Variants in CCDC6 observed in about 807,000 individuals in gnomAD.
The protein encoded by CCDC6 is coiled-coil domain-containing protein 6.
Under a neutral mutation model 56.6 loss-of-function variants are expected in CCDC6, and 20 were observed. The ratio of observed to expected loss-of-function variants is 0.35; its 90% CI spans 0.25 to 0.51. The LOEUF is 0.51. CCDC6 is among the 20% of genes least tolerant of loss of function. CCDC6 has a pLI of 0.95. For synonymous variants in CCDC6, 241 were observed against 234.4 expected, an observed-to-expected ratio of 1.03 and a Z score of -0.26; for missense variants, 367 against 601.1, an observed-to-expected ratio of 0.61 and a Z score of 4.07.
intron 7 of CCDC6, among the ~76,000 whole-genome samples, chr10:59,802,196 T>C (rs1046679708): frequency 2.0e-5 from 3 of 152,328 alleles, no homozygotes; most frequent in Middle Eastern, 6.8e-3. Flanking sequence ...ATAAAGATGA[T>C]GCTCTTTCTT....
intron 3 of CCDC6, among the ~76,000 whole-genome samples, chr10:59,819,306 CTA>C (rs1374208441): frequency 6.6e-6 from 1 of 152,128 alleles, no homozygotes; most frequent in African/African-American, 2.4e-5. Context: ...CTACAGGACT[CTA>C]TATTATCTTT....
intron 2 of CCDC6, among the ~76,000 whole-genome samples, chr10:59,848,842 T>A (rs1408057027): frequency 6.6e-6 from 1 of 152,080 alleles, no homozygotes; most frequent in Non-Finnish European, 1.5e-5. Flanking sequence ...GCCTCCTGAG[T>A]AGCTGAGATT....
In CCDC6 at chr10:59,906,302, GCCGCCTCCCCCGCCGCCA is replaced by G. The variant is rs769446566; in HGVS notation, c.105_122del (p.Gly39_Gly44del). The G allele has an allele frequency of 1.6e-5, 26 of 1,601,580 alleles. No homozygotes were observed. Among genetic ancestry groups the G allele is most frequent in the African/African-American group, 2.7e-5 (2 of 74,748 alleles). ...CAATGCCCCCCGACTTCCCACCGCCGCCGCCTCCCCCGCCGCCACCGCCGCCGCCCGAGGTCGACGAGC... is the reference window on the plus strand; with the variant it reads ...CAATGCCCCCCGACTTCCCACCGCCGCCGCCGCCGCCCGAGGTCGACGAGC... On this transcript the variant is annotated inframe_deletion, in exon 1 of 9. Transcript: ENST00000263102.
chr10:59,903,431 T>G (rs2071519072), intron 1 of CCDC6, among the ~76,000 whole-genome samples: 1 of 152,122 alleles, frequency 6.6e-6, no homozygotes. Context: ...TGTTCAGTGT[T>G]ACGTGAAGAT....
In CCDC6 at chr10:59,792,489, C is replaced by A; in HGVS notation, c.*428G>T. ...GAATTATTGGTATGTTTGGTAAACACTATTATAATGAGAGGAGGGTAACAA... is the reference window on the plus strand; with the variant it reads ...GAATTATTGGTATGTTTGGTAAACAATATTATAATGAGAGGAGGGTAACAA... On this transcript the variant is annotated 3_prime_UTR_variant, in exon 9 of 9. Transcript: ENST00000263102. The A allele has an allele frequency of 2.2e-6, 1 of 456,494 alleles. No individual in the cohort carries two copies. Among genetic ancestry groups the A allele is most frequent in the Non-Finnish European group, 4.1e-6 (1 of 243,348 alleles). 28.3% of individuals were successfully genotyped at this position (456,494 alleles called of 1,614,324 possible).
At chr10:59,891,779 AT>A (rs3838769) in intron 1 of CCDC6, among the ~76,000 whole-genome samples, 26,291 of 152,214 alleles carry the variant, frequency 0.17, 2,943 homozygotes, top group Middle Eastern at 0.27. Flanking sequence ...TAACTTGTTT[AT>A]TTACAATGCA....
At chr10:59,866,743 C>T (rs1435710299) in intron 1 of CCDC6, among the ~76,000 whole-genome samples, 1 of 152,192 alleles carries the variant, frequency 6.6e-6, no homozygotes, top group Non-Finnish European at 1.5e-5. Flanking sequence ...CCTAGTCCTT[C>T]TATGGTCTAA....
chr10:59,880,222 C>T (rs1589059549), intron 1 of CCDC6, among the ~76,000 whole-genome samples: 1 of 152,136 alleles, frequency 6.6e-6, no homozygotes, highest in African/African-American at 2.4e-5. Context: ...CACGATGACA[C>T]CGAGAGGACC....
At chr10:59,874,266 G>C (rs761280239) in intron 1 of CCDC6, among the ~76,000 whole-genome samples, 7 of 152,046 alleles carry the variant, frequency 4.6e-5, no homozygotes, top group Non-Finnish European at 8.8e-5. Context: ...TCTTCTCCCA[G>C]TTCTAAAATG....
In CCDC6 at chr10:59,789,341, C is replaced by T. The variant is rs1234739867; in HGVS notation, c.*3576G>A. 1.3e-5 allele frequency: 3 copies of T among 230,536 alleles called. No individual in the cohort carries two copies. Among genetic ancestry groups the T allele is most frequent in the South Asian group, 1.8e-4 (1 of 5,488 alleles). 14.3% of individuals were successfully genotyped at this position (230,536 alleles called of 1,614,324 possible). A position where few individuals can be genotyped will look rare whatever the true frequency, so the allele number is the denominator to read the frequency against. ...ATTTTTTCAGTTGCCTCATGAGAGG[C>T]AACCTGGGCTTGGCAGTTAATCAGA... On this transcript the variant is annotated 3_prime_UTR_variant, in exon 9 of 9. Transcript: ENST00000263102.
Position 59,861,523 on chromosome 10 carries a change from G to C in CCDC6, c.304-8821C>G, listed in dbSNP as rs146889358. ...AGTCTCAGAGATGACCTAAATGTAG[G>C]AATTATCATACAGTGATCTTAAATA... On this transcript the variant is annotated intron_variant, in intron 1 of 8. Coordinates refer to ENST00000263102, the MANE Select transcript of CCDC6 (RefSeq NM_005436.5). Among the ~76,000 whole-genome samples the C allele has an allele frequency of 1.4e-4, 21 of 150,478 alleles. No individual in the cohort carries two copies. In the East Asian group the frequency reaches 3.5e-3, roughly 25 times the overall value.
intron 1 of CCDC6, among the ~76,000 whole-genome samples, chr10:59,860,296 C>T (rs2132661241): frequency 6.6e-6 from 1 of 152,232 alleles, no homozygotes; most frequent in East Asian, 1.9e-4. Flanking sequence ...TGCCCATATA[C>T]ACATCAGATT....
At chr10:59,893,649 T>TA (rs2071441181) in intron 1 of CCDC6, among the ~76,000 whole-genome samples, 1 of 129,252 alleles carries the variant, frequency 7.7e-6, no homozygotes, top group Non-Finnish European at 1.7e-5. Flanking sequence ...CATACATACA[T>TA]ACATACATAC....
rs1312671271 is a variant in CCDC6 at position 59,852,716 on chromosome 10, A to G, written c.304-14T>C. ...AGCCCTGGCTTGCTGTTTAAAAAAAAAAAAGGAAAGAACAAAACAAAACAC... is the reference window on the plus strand; with the variant it reads ...AGCCCTGGCTTGCTGTTTAAAAAAAGAAAAGGAAAGAACAAAACAAAACAC... On this transcript the variant is annotated splice_polypyrimidine_tract_variant and intron_variant, in intron 1 of 8. Transcript: ENST00000263102. The G allele has an allele frequency of 6.5e-7, 1 of 1,530,682 alleles. No individual in the cohort carries two copies. Among genetic ancestry groups the G allele is most frequent in the Non-Finnish European group, 8.7e-7 (1 of 1,148,576 alleles). The allele number at this position is 1,530,682 out of a possible 1,614,324, so 94.8% of individuals were successfully genotyped here.
At chr10:59,849,376 T>TA (rs1264779357) in intron 2 of CCDC6, among the ~76,000 whole-genome samples, 1 of 152,208 alleles carries the variant, frequency 6.6e-6, no homozygotes, top group East Asian at 1.9e-4. Flanking sequence ...TGGAGGTGTT[T>TA]AAGCCATCTC....
chr10:59,856,996 T>C (rs906899985), intron 1 of CCDC6, among the ~76,000 whole-genome samples: 16 of 152,346 alleles, frequency 1.1e-4, no homozygotes, highest in Admixed American at 9.8e-4. Context: ...TCCTGTTCCA[T>C]ATTCAGGTTC....
intron 1 of CCDC6, among the ~76,000 whole-genome samples, chr10:59,877,793 A>G (rs2071297371): frequency 6.6e-6 from 1 of 152,242 alleles, no homozygotes; most frequent in Admixed American, 6.5e-5. Flanking sequence ...AATGTGCAAG[A>G]AAACCAACCA....
intron 1 of CCDC6, among the ~76,000 whole-genome samples, chr10:59,881,196 A>C (rs770774843): frequency 6.6e-6 from 1 of 152,026 alleles, no homozygotes; most frequent in African/African-American, 2.4e-5. Context: ...AGATGTCACC[A>C]CTTCCTACCA....
intron 1 of CCDC6, among the ~76,000 whole-genome samples, chr10:59,884,239 C>T (rs905821705): frequency 6.6e-6 from 1 of 151,908 alleles, no homozygotes; most frequent in Non-Finnish European, 1.5e-5. Context: ...CCCTTCAAAA[C>T]AAACAAAAAA....
Sources: allele counts gnomAD v4.1 joint callset (sites outside exome capture counted in the v4.1 genomes callset), GRCh38; gene constraint gnomAD v4.1.1; transcripts MANE v1.5; gene names NCBI Gene and HGNC (gene_info 2026-07-23, HGNC 2026-07-21).